RIPOR2: variants seen among roughly 807,000 people sequenced by gnomAD.
The protein encoded by RIPOR2 is rho family-interacting cell polarization regulator 2.
In RIPOR2, 39 loss-of-function variants were observed where a neutral mutation model predicts 114.5. The ratio of observed to expected loss-of-function variants is 0.34; its 90% CI spans 0.26 to 0.44. The LOEUF (loss-of-function observed/expected upper bound fraction) is 0.44. Ranked by LOEUF, RIPOR2 falls within the 20% of genes least tolerant of loss-of-function variation. The pLI, the probability that RIPOR2 is intolerant of heterozygous loss-of-function variation, is 1.00. For synonymous variants in RIPOR2, 445 were observed against 484.4 expected (o/e 0.92, Z 1.07); for missense variants, 1,007 against 1,255.1 (o/e 0.80, Z 2.99).
chr6:24,893,159 CA>C (rs1300352571), intron 1 of RIPOR2, among the ~76,000 whole-genome samples: 6 of 152,230 alleles, frequency 3.9e-5, no homozygotes, highest in African/African-American at 1.4e-4. Context: ...AGGGATCGAT[CA>C]AGCATGGAAT....
chr6:24,872,112 A>C (rs1332818142), intron 4 of RIPOR2, among the ~76,000 whole-genome samples: 1 of 152,240 alleles, frequency 6.6e-6, no homozygotes, highest in Admixed American at 6.5e-5. Context: ...TGATTTCTTG[A>C]AACAGTGAGG....
chr6:24,888,120 C>T (rs1766997763), intron 1 of RIPOR2, among the ~76,000 whole-genome samples: 1 of 152,096 alleles, frequency 6.6e-6, no homozygotes, highest in Non-Finnish European at 1.5e-5. Context: ...TAAAAAAACC[C>T]AGCAAAACCC....
intron 1 of RIPOR2, among the ~76,000 whole-genome samples, chr6:24,898,026 G>C (rs566435631): frequency 6.6e-6 from 1 of 151,540 alleles, no homozygotes; most frequent in South Asian, 2.1e-4. Flanking sequence ...CCTGAAGAAA[G>C]AAAGAAAGAA....
chr6:24,808,599 T>G (rs1021526477), intron 21 of RIPOR2, among the ~76,000 whole-genome samples: 5 of 152,068 alleles, frequency 3.3e-5, no homozygotes, highest in Admixed American at 2.6e-4. Context: ...GCCATGAGAT[T>G]CTTCTTCATG....
chr6:25,029,367 T>G (rs923240588), intron 1 of RIPOR2, among the ~76,000 whole-genome samples: 13 of 125,030 alleles, frequency 1.0e-4, no homozygotes, highest in African/African-American at 4.0e-4. Context: ...ATCGCGCCGC[T>G]GCACTCCAAC....
chr6:25,031,713 ATATATATATATATATATATATATAT>A, intron 1 of RIPOR2, among the ~76,000 whole-genome samples: 1 of 63,782 alleles, frequency 1.6e-5, no homozygotes, highest in East Asian at 5.2e-4. Flanking sequence ...ATATATATAT[ATATATATATATATATATATATATAT>A]ATATATATAT....
At chr6:24,849,722 A>G (rs1243031733) in intron 11 of RIPOR2, 80 bp downstream of exon 11, 2 of 1,251,140 alleles carry the variant, frequency 1.6e-6, no homozygotes, top group African/African-American at 3.0e-5. Flanking sequence ...GGTGATGCGG[A>G]TGGTCCATGC....
At chr6:25,032,263 C>T (rs918124969) in intron 1 of RIPOR2, among the ~76,000 whole-genome samples, 1 of 151,292 alleles carries the variant, frequency 6.6e-6, no homozygotes, top group Non-Finnish European at 1.5e-5. Flanking sequence ...CCTCAGGGAA[C>T]AAGCTTTGGA....
chr6:24,976,554 G>C, intron 1 of RIPOR2: 1 of 1,595,554 alleles, frequency 6.3e-7, no homozygotes, highest in Non-Finnish European at 8.6e-7. Flanking sequence ...ACAGATTGGA[G>C]CTGTTTGCAG....
At chr6:24,845,329 A>G (rs150874298) in intron 12 of RIPOR2, among the ~76,000 whole-genome samples, 1 of 152,244 alleles carries the variant, frequency 6.6e-6, no homozygotes, top group African/African-American at 2.4e-5. Context: ...TCTCTAGGAA[A>G]GATAAAAGGA....
upstream of RIPOR2, among the ~76,000 whole-genome samples, chr6:24,939,964 T>C (rs906499542): frequency 2.6e-5 from 4 of 152,198 alleles, no homozygotes; most frequent in South Asian, 2.1e-4. Context: ...GTCTGTGAAT[T>C]ACAATGATAT....
At chr6:24,808,222 C>T (rs1436097064) in intron 21 of RIPOR2, among the ~76,000 whole-genome samples, 2 of 152,182 alleles carry the variant, frequency 1.3e-5, no homozygotes, top group Non-Finnish European at 2.9e-5. Flanking sequence ...GGAGATGCTG[C>T]TGTTTGCACA....
At chr6:24,996,651 T>G (rs1775059890) in intron 1 of RIPOR2, among the ~76,000 whole-genome samples, 1 of 152,230 alleles carries the variant, frequency 6.6e-6, no homozygotes, top group Non-Finnish European at 1.5e-5. Flanking sequence ...ATCAACACTG[T>G]TTACTTTCAA....
chr6:25,020,488 C>T (rs1445497123), intron 1 of RIPOR2, among the ~76,000 whole-genome samples: 3 of 152,224 alleles, frequency 2.0e-5, no homozygotes, highest in Non-Finnish European at 2.9e-5. Flanking sequence ...TTGATTCTTA[C>T]TGTGAATGAG....
chr6:24,843,649 A>G (rs369118682), intron 12 of RIPOR2, 95 bp from the exon 13 acceptor site: 1 of 913,174 alleles, frequency 1.1e-6, no homozygotes. Context: ...GGCAATTACA[A>G]TGAAAAAACC....
At chr6:24,892,005 C>T (rs767880773) in intron 1 of RIPOR2, among the ~76,000 whole-genome samples, 3 of 152,088 alleles carry the variant, frequency 2.0e-5, no homozygotes, top group Admixed American at 6.6e-5. Flanking sequence ...ACTATAGGTG[C>T]GTGCCGCCAC....
chr6:24,951,496 A>G (rs1318285271), intron 1 of RIPOR2, among the ~76,000 whole-genome samples: 2 of 152,222 alleles, frequency 1.3e-5, no homozygotes, highest in East Asian at 1.9e-4. Flanking sequence ...TCCCTTCAAA[A>G]GCAGCTTAAA....
intron 1 of RIPOR2, among the ~76,000 whole-genome samples, chr6:24,976,068 G>T (rs1774025845): frequency 6.6e-6 from 1 of 152,108 alleles, no homozygotes; most frequent in Non-Finnish European, 1.5e-5. Context: ...CTAGCGGAAA[G>T]GTTAACTGGT....
chr6:24,905,532 G>C (rs1229427797), intron 1 of RIPOR2, among the ~76,000 whole-genome samples: 1 of 152,216 alleles, frequency 6.6e-6, no homozygotes, highest in Non-Finnish European at 1.5e-5. Context: ...ATGTAGGATA[G>C]GTTAACCTTG....
Sources: gnomAD v4.1 joint callset for allele counts (sites outside exome capture counted in the v4.1 genomes callset) on GRCh38, gnomAD v4.1.1 for gene constraint, MANE v1.5 for transcripts, NCBI Gene and HGNC (gene_info 2026-07-23, HGNC 2026-07-21) for gene names.